Variants in MAGI2 observed in about 807,000 individuals in gnomAD.
The protein encoded by MAGI2 is membrane-associated guanylate kinase, WW and PDZ domain-containing protein 2.
MAGI2 carries 35 observed loss-of-function variants against 133.3 expected under a neutral mutation model. The observed-to-expected ratio is 0.26, with a 90% CI of 0.20 to 0.35. The LOEUF is 0.35. Ranked by LOEUF, MAGI2 falls within the 10% of genes least tolerant of loss-of-function variation. The probability of loss-of-function intolerance (pLI) is 1.00; values close to 1 mark genes in which losing one functional copy is unlikely to be tolerated. For synonymous variants in MAGI2, 729 were observed against 710.6 expected, an observed-to-expected ratio of 1.03 and a Z score of -0.41; for missense variants, 1,636 against 1,863.4, an observed-to-expected ratio of 0.88 and a Z score of 2.25.
chr7:79,242,914 T>C (rs975139611), intron 1 of MAGI2, among the ~76,000 whole-genome samples: 2 of 152,174 alleles, frequency 1.3e-5, no homozygotes, highest in African/African-American at 4.8e-5. Context: ...CCTTGATTAA[T>C]TTTTATATTA....
At chr7:78,846,991 G>T (rs1792676021) in intron 2 of MAGI2, among the ~76,000 whole-genome samples, 1 of 151,888 alleles carries the variant, frequency 6.6e-6, no homozygotes, top group Non-Finnish European at 1.5e-5. Flanking sequence ...CCTTCTTAAT[G>T]ATTCTCACTT....
intron 2 of MAGI2, among the ~76,000 whole-genome samples, chr7:78,878,882 G>T (rs1326877952): frequency 1.3e-5 from 2 of 152,110 alleles, no homozygotes; most frequent in East Asian, 3.9e-4. Flanking sequence ...GTTTAGCAGG[G>T]CCCTCTCCAT....
intron 2 of MAGI2, among the ~76,000 whole-genome samples, chr7:78,939,048 C>T (rs1401678996): frequency 6.6e-6 from 1 of 152,136 alleles, no homozygotes; most frequent in Non-Finnish European, 1.5e-5. Context: ...GGTTGGAATG[C>T]AGTGGCATGA....
At chr7:78,742,795 C>T (rs1822557307) in intron 2 of MAGI2, among the ~76,000 whole-genome samples, 1 of 152,094 alleles carries the variant, frequency 6.6e-6, no homozygotes, top group Admixed American at 6.5e-5. Context: ...GTGTGACTTC[C>T]AAAATAAGGC....
chr7:78,770,700 G>A (rs186799876), intron 2 of MAGI2, among the ~76,000 whole-genome samples: 1 of 152,152 alleles, frequency 6.6e-6, no homozygotes, highest in African/African-American at 2.4e-5. Context: ...AGTGAGAGTC[G>A]AATCAAGTTT....
At chr7:79,394,256 C>T (rs1000159916) in intron 1 of MAGI2, among the ~76,000 whole-genome samples, 1 of 152,086 alleles carries the variant, frequency 6.6e-6, no homozygotes, top group African/African-American at 2.4e-5. Flanking sequence ...AACATGAGCC[C>T]CTATGCTTAG....
At chr7:78,880,405 G>C (rs1795754771) in intron 2 of MAGI2, among the ~76,000 whole-genome samples, 1 of 152,144 alleles carries the variant, frequency 6.6e-6, no homozygotes, top group South Asian at 2.1e-4. Context: ...AGCCAGAAGA[G>C]ATTGGGGGCC....
chr7:79,438,939 C>T (rs1160918544), intron 1 of MAGI2, among the ~76,000 whole-genome samples: 1 of 152,140 alleles, frequency 6.6e-6, no homozygotes, highest in Non-Finnish European at 1.5e-5. Context: ...TGTCCATAGG[C>T]TTTATCCGCC....
intron 1 of MAGI2, among the ~76,000 whole-genome samples, chr7:79,435,903 T>C (rs530527117): frequency 6.6e-6 from 1 of 152,300 alleles, no homozygotes; most frequent in Non-Finnish European, 1.5e-5. Flanking sequence ...ATGGATTTGC[T>C]ATGTGTCTAA....
intron 1 of MAGI2, among the ~76,000 whole-genome samples, chr7:79,270,800 G>C (rs62460858): frequency 0.11 from 17,012 of 151,722 alleles, 1,210 homozygotes; most frequent in East Asian, 0.34. Flanking sequence ...GCATTATCCT[G>C]TATTATTCTA....
At chr7:78,878,864 AG>A (rs1795628471) in intron 2 of MAGI2, among the ~76,000 whole-genome samples, 1 of 152,130 alleles carries the variant, frequency 6.6e-6, no homozygotes, top group Admixed American at 6.5e-5. Context: ...TCCTTTGCAT[AG>A]ATCATGGTTT....
intron 2 of MAGI2, among the ~76,000 whole-genome samples, chr7:78,845,065 T>C (rs1177205951): frequency 6.6e-6 from 1 of 151,938 alleles, no homozygotes; most frequent in African/African-American, 2.4e-5. Flanking sequence ...TGCCTATCTA[T>C]AAATATCTCT....
intron 10 of MAGI2, among the ~76,000 whole-genome samples, chr7:78,238,826 G>A (rs779944017): frequency 1.2e-4 from 18 of 152,184 alleles, no homozygotes; most frequent in East Asian, 7.7e-4. Context: ...TCAGAAACTC[G>A]TTTCATTCAA....
intron 1 of MAGI2, chr7:79,030,383 C>T (rs886580616): frequency 1.3e-5 from 2 of 152,102 alleles, no homozygotes; most frequent in South Asian, 2.1e-4. Flanking sequence ...TCTAGGAGAG[C>T]GATTGAGAAA....
intron 2 of MAGI2, among the ~76,000 whole-genome samples, chr7:78,895,395 T>C (rs1797123742): frequency 6.6e-6 from 1 of 152,170 alleles, no homozygotes. Flanking sequence ...GAAAATGGAC[T>C]AAAACAGCAT....
chr7:79,360,534 T>C (rs549561698), intron 1 of MAGI2, among the ~76,000 whole-genome samples: 2 of 152,192 alleles, frequency 1.3e-5, no homozygotes, highest in South Asian at 2.1e-4. Flanking sequence ...AAACAAAAAT[T>C]ATAACACTAT....
At chr7:79,212,959 T>G (rs1829628450) in intron 1 of MAGI2, among the ~76,000 whole-genome samples, 2 of 151,964 alleles carry the variant, frequency 1.3e-5, no homozygotes, top group Admixed American at 1.3e-4. Flanking sequence ...CCTTAACACA[T>G]AAATTTACTT....
chr7:78,732,848 C>A (rs921931663), intron 2 of MAGI2, among the ~76,000 whole-genome samples: 3 of 151,984 alleles, frequency 2.0e-5, no homozygotes, highest in Admixed American at 1.3e-4. Context: ...GTAACAACAC[C>A]TTTAATAAAG....
chr7:78,301,663 A>G (rs961076070), intron 9 of MAGI2, among the ~76,000 whole-genome samples: 46 of 152,238 alleles, frequency 3.0e-4, no homozygotes, highest in Non-Finnish European at 5.7e-4. Flanking sequence ...TGATGATTGG[A>G]AACTTTTCTT....
Sources: gnomAD v4.1 joint callset for allele counts (sites outside exome capture counted in the v4.1 genomes callset) on GRCh38, gnomAD v4.1.1 for gene constraint, MANE v1.5 for transcripts, NCBI Gene and HGNC (gene_info 2026-07-23, HGNC 2026-07-21) for gene names.